Variants in LMX1B observed in about 807,000 individuals in gnomAD.
LMX1B encodes the protein LIM homeobox transcription factor 1-beta.
In LMX1B, 12 loss-of-function variants were observed where a neutral mutation model predicts 51.4. That is an observed-to-expected ratio of 0.23 (90% CI 0.15 to 0.38). LMX1B has a LOEUF of 0.38. LMX1B is among the 10% of genes least tolerant of loss of function. The pLI is 1.00. For synonymous variants in LMX1B, 237 were observed against 235.4 expected, an observed-to-expected ratio of 1.01 and a Z score of -0.06; for missense variants, 445 against 571.1, an observed-to-expected ratio of 0.78 and a Z score of 2.25.
intron 2 of LMX1B, among the ~76,000 whole-genome samples, chr9:126,640,385 G>A (rs1401291314): frequency 2.0e-5 from 3 of 152,196 alleles, no homozygotes; most frequent in Admixed American, 1.3e-4. Context: ...TACCCAGTCT[G>A]GGCAGCTGCA....
intron 2 of LMX1B, among the ~76,000 whole-genome samples, chr9:126,689,184 G>T (rs1431943106): frequency 6.6e-6 from 1 of 152,248 alleles, no homozygotes; most frequent in East Asian, 1.9e-4. Context: ...GAATAGAGGT[G>T]GGTGGCAGGG....
Position 126,696,807 on chromosome 9 carries a change from T to C in LMX1B, c.*356T>C. ...TATTTTTTTAAATGTCCTCTCTGTG[T>C]CCATGGCCCTCCATGCAAGCCCCAG... On this transcript the variant is annotated 3_prime_UTR_variant, in exon 8 of 8. Transcript: ENST00000373474. 1 of 351,040 alleles carries C rather than the reference T, an allele frequency of 2.8e-6. No individual in the cohort carries two copies. 21.7% of individuals were successfully genotyped at this position (351,040 alleles called of 1,614,324 possible).
At chr9:126,659,659 C>T (rs1836190351) in intron 2 of LMX1B, among the ~76,000 whole-genome samples, 1 of 151,874 alleles carries the variant, frequency 6.6e-6, no homozygotes, top group South Asian at 2.1e-4. Context: ...TAGAGATTGT[C>T]CTGTGTGGGG....
chr9:126,693,077 G>C, intron 3 of LMX1B, 65 bp from the exon 4 acceptor site: 2 of 1,502,320 alleles, frequency 1.3e-6, no homozygotes, highest in Middle Eastern at 2.3e-4. Flanking sequence ...GTTGCCGAAG[G>C]GGACAAGGCT....
At chr9:126,642,161 G>T (rs189455320) in intron 2 of LMX1B, among the ~76,000 whole-genome samples, 1 of 152,132 alleles carries the variant, frequency 6.6e-6, no homozygotes, top group East Asian at 1.9e-4. Context: ...TGTCCTGCTC[G>T]CAGTCTGCCT....
chr9:126,631,509 G>A (rs4073437), intron 2 of LMX1B, among the ~76,000 whole-genome samples: 7,504 of 150,368 alleles, frequency 0.05, 626 homozygotes, highest in East Asian at 0.41. Flanking sequence ...GGCTCAGCTC[G>A]GCCGGCCGGG....
At chr9:126,660,093 C>T (rs1836207783) in intron 2 of LMX1B, among the ~76,000 whole-genome samples, 4 of 143,782 alleles carry the variant, frequency 2.8e-5, no homozygotes, top group African/African-American at 5.3e-5. Context: ...AGAGGTTGTC[C>T]TGTGTGGGGG....
At chr9:126,631,647 T>C (rs1387576748) in intron 2 of LMX1B, among the ~76,000 whole-genome samples, 2 of 152,164 alleles carry the variant, frequency 1.3e-5, no homozygotes, top group Non-Finnish European at 1.5e-5. Flanking sequence ...CCTGCAGTTA[T>C]TGGCTCTTGG....
intron 2 of LMX1B, among the ~76,000 whole-genome samples, chr9:126,657,794 G>T (rs982440801): frequency 6.6e-6 from 1 of 152,210 alleles, no homozygotes; most frequent in African/African-American, 2.4e-5. Flanking sequence ...TCAAGGAACC[G>T]CAGGGAGCTC....
rs1564171975 is a variant in LMX1B, at chr9:126,697,848, TG to T, written c.*1398del. ...GATGGGGGCACCTACTGTTTTGTTT[TG>T]TTTTGTTTTGTTTTGTTTTGTTTTG... On this transcript the variant is annotated 3_prime_UTR_variant, in exon 8 of 8. Transcript: ENST00000373474. 3.2e-3 allele frequency: 391 copies of T among 121,586 alleles called. 2 individuals are homozygous for T. The highest frequency in any genetic ancestry group is 0.011 in the East Asian group (54 of 5,126). The allele number at this position is 121,586 out of a possible 1,614,324, so 7.5% of individuals were successfully genotyped here.
At position 126,673,595 on chromosome 9, in the gene LMX1B, C is replaced by T. The variant is rs1368111290; in HGVS notation, c.327-17241C>T. Among the ~76,000 whole-genome samples, 1 of 152,136 alleles carries T rather than the reference C, an allele frequency of 6.6e-6. No homozygotes were observed. Among genetic ancestry groups the T allele is most frequent in the Non-Finnish European group, 1.5e-5 (1 of 68,022 alleles). ...TTGAGGGGGTGGTTCCCCAGGCACC[C>T]AGCTTCACCAGGTCCCCGGGCTCTG... On this transcript the variant is annotated intron_variant, in intron 2 of 7. Coordinates refer to ENST00000373474, the MANE Select transcript of LMX1B (RefSeq NM_001174147.2). This position sits in a 1 kb window ranked among gnomAD's most constrained non-coding sequence, Gnocchi z 4.4.
At chr9:126,616,424 C>T (rs1044746469) in intron 2 of LMX1B, among the ~76,000 whole-genome samples, 1 of 152,188 alleles carries the variant, frequency 6.6e-6, no homozygotes, top group African/African-American at 2.4e-5. Context: ...GGACAGACAA[C>T]AGGACATGCA....
intron 2 of LMX1B, among the ~76,000 whole-genome samples, chr9:126,662,887 TGACA>T (rs1357688435): frequency 2.6e-5 from 4 of 152,184 alleles, no homozygotes; most frequent in African/African-American, 4.8e-5. Context: ...AAATGGGACC[TGACA>T]GACAGAGGAG....
chr9:126,666,645 A>G (rs915510813), intron 2 of LMX1B, among the ~76,000 whole-genome samples: 3 of 152,182 alleles, frequency 2.0e-5, no homozygotes, highest in Non-Finnish European at 4.4e-5. Flanking sequence ...CGCATGTTCT[A>G]TGTGCTGTAC....
chr9:126,661,269 A>C (rs1465467861), intron 2 of LMX1B, among the ~76,000 whole-genome samples: 2 of 151,554 alleles, frequency 1.3e-5, no homozygotes, highest in African/African-American at 4.9e-5. Context: ...GCCAGCGTGG[A>C]CGCCCCACGC....
Position 126,686,106 on chromosome 9 carries a change from C to T in LMX1B, c.327-4730C>T, listed in dbSNP as rs375884129. On this transcript the variant is annotated intron_variant, in intron 2 of 7. Coordinates refer to ENST00000373474, the MANE Select transcript of LMX1B (RefSeq NM_001174147.2). ...CATCCTGGCTAACACGGTGAAACCC[C>T]GTCTCTACTAAAAAATACAAAAAAT... Among the ~76,000 whole-genome samples the T allele has an allele frequency of 9.2e-5, 14 of 151,974 alleles. No homozygotes were observed. The East Asian group carries it at 9.7e-4, about 11-fold the overall frequency.
chr9:126,638,183 G>A (rs1423180131), intron 2 of LMX1B, among the ~76,000 whole-genome samples: 1 of 152,136 alleles, frequency 6.6e-6, no homozygotes, highest in East Asian at 1.9e-4. Context: ...GCCCCTCTCT[G>A]CTGGTGTCCC....
At chr9:126,656,179 T>A (rs1157770692) in intron 2 of LMX1B, among the ~76,000 whole-genome samples, 1 of 150,068 alleles carries the variant, frequency 6.7e-6, no homozygotes, top group Admixed American at 6.6e-5. Flanking sequence ...ACCAAATTTA[T>A]TTTTTGCAGT....
At position 126,671,415 on chromosome 9, in the gene LMX1B, TGGCCAGCCAG is replaced by T. The variant is rs1354478191; in HGVS notation, c.327-19416_327-19407del. On this transcript the variant is annotated intron_variant, in intron 2 of 7. Transcript: ENST00000373474. This position sits in a 1 kb window ranked among gnomAD's most constrained non-coding sequence, Gnocchi z 4.4. ...CCGGGCTCAGCTGGGGCCCCTGGCC[TGGCCAGCCAG>T]GGCCGAGGGGCCCATCTTTGTTCCG... is the stretch of plus-strand genomic sequence containing the variant. Among the ~76,000 whole-genome samples, 1 of 151,798 alleles carries T rather than the reference TGGCCAGCCAG, an allele frequency of 6.6e-6. No homozygotes were observed. Among genetic ancestry groups the T allele is most frequent in the African/African-American group, 2.4e-5 (1 of 41,296 alleles).
Sources: allele counts gnomAD v4.1 joint callset (sites outside exome capture counted in the v4.1 genomes callset), GRCh38; gene constraint gnomAD v4.1.1; non-coding constraint Gnocchi (gnomAD v3.1); transcripts MANE v1.5; gene names NCBI Gene and HGNC (gene_info 2026-07-23, HGNC 2026-07-21).